Variants in TASP1 observed in about 807,000 individuals in gnomAD.
The protein encoded by TASP1 is taspase 1, also known as threonine aspartase 1.
Under a neutral mutation model 56.6 loss-of-function variants are expected in TASP1, and 16 were observed. That is an observed-to-expected ratio of 0.28 (90% confidence interval 0.19 to 0.43). The LOEUF is 0.43. Ranked by LOEUF, TASP1 falls within the 20% of genes least tolerant of loss-of-function variation. TASP1 has a pLI of 1.00. For synonymous variants in TASP1, 179 were observed against 184.2 expected (o/e 0.97, Z 0.23); for missense variants, 393 against 511.6 (o/e 0.77, Z 2.24).
At chr20:13,618,982 C>A (rs112886748) in intron 4 of TASP1, among the ~76,000 whole-genome samples, 79 of 152,068 alleles carry the variant, frequency 5.2e-4, no homozygotes, top group African/African-American at 1.8e-3. Flanking sequence ...TCAAGTAATT[C>A]TCCTGCCTCA....
chr20:13,232,570 A>G, the TASP1 span, among the ~76,000 whole-genome samples: 1 of 152,226 alleles, frequency 6.6e-6, no homozygotes, highest in East Asian at 1.9e-4. Context: ...TTTGGCAACT[A>G]TTAAAGATGC....
chr20:13,192,908 G>A, the TASP1 span, among the ~76,000 whole-genome samples: 1 of 152,096 alleles, frequency 6.6e-6, no homozygotes, highest in African/African-American at 2.4e-5. Context: ...AGTGATTATA[G>A]CATATGGTTA....
the TASP1 span, among the ~76,000 whole-genome samples, chr20:13,219,233 G>A: frequency 1.3e-5 from 2 of 152,168 alleles, no homozygotes; most frequent in African/African-American, 4.8e-5. Context: ...CACAACTGGA[G>A]GTTAGAACAA....
intron 9 of TASP1, among the ~76,000 whole-genome samples, chr20:13,532,426 T>C (rs1023551495): frequency 7.2e-5 from 11 of 152,172 alleles, no homozygotes; most frequent in African/African-American, 2.7e-4. Flanking sequence ...GATACTTACA[T>C]AGTTTCAAGT....
chr20:13,573,776 C>T lies in TASP1; in HGVS notation c.489-4190G>A, dbSNP rs186917447. On this transcript the variant is annotated intron_variant, in intron 6 of 13. Transcript: ENST00000337743. ...AATATAGAAAATAACAGTTTTCAGA[C>T]GTTAAGACATTAGGCATAGGACAGT... 2.1e-3 allele frequency among the ~76,000 whole-genome samples: 321 copies of T among 152,224 alleles called. 2 individuals are homozygous for T. The highest frequency in any genetic ancestry group is 3.5e-3 in the Non-Finnish European group (235 of 68,016).
chr20:13,145,659 CA>C, the TASP1 span, among the ~76,000 whole-genome samples: 1 of 151,998 alleles, frequency 6.6e-6, no homozygotes, highest in Non-Finnish European at 1.5e-5. Context: ...CATATGGAAC[CA>C]AAAAAGAGCA....
chr20:13,535,000 G>A (rs78054402), intron 8 of TASP1, among the ~76,000 whole-genome samples: 4,108 of 152,176 alleles, frequency 0.027, 136 homozygotes, highest in African/African-American at 0.08. Flanking sequence ...TAGTCATGGT[G>A]GTGTTCTTAT....
chr20:13,270,861 C>T, the TASP1 span: 1 of 920,160 alleles, frequency 1.1e-6, no homozygotes, highest in Non-Finnish European at 1.7e-6. Context: ...TTAATGATTC[C>T]TGCTTAAGAT....
intron 13 of TASP1, among the ~76,000 whole-genome samples, chr20:13,407,367 T>C (rs964443086): frequency 5.3e-4 from 81 of 152,212 alleles, no homozygotes; most frequent in Non-Finnish European, 1.1e-3. Context: ...CCTAGAATAA[T>C]GTTTTCAAGG....
At chr20:13,472,020 GC>G (rs2044520794) in intron 11 of TASP1, among the ~76,000 whole-genome samples, 1 of 151,948 alleles carries the variant, frequency 6.6e-6, no homozygotes, top group Admixed American at 6.6e-5. Flanking sequence ...CCAAAAAAGA[GC>G]CTGCATTGCC....
chr20:13,362,180 G>A, the TASP1 span, among the ~76,000 whole-genome samples: 15 of 149,940 alleles, frequency 1.0e-4, no homozygotes, highest in South Asian at 2.1e-4. Flanking sequence ...AATTTTCGCC[G>A]CCCCAACACT....
chr20:13,150,215 T>C, the TASP1 span, among the ~76,000 whole-genome samples: 2,812 of 152,320 alleles, frequency 0.018, 53 homozygotes, highest in South Asian at 0.03. Flanking sequence ...GTATGGGTGA[T>C]TTTTCTTAAG....
chr20:13,430,182 T>C (rs1377123926), intron 12 of TASP1, among the ~76,000 whole-genome samples: 1 of 152,156 alleles, frequency 6.6e-6, no homozygotes, highest in African/African-American at 2.4e-5. Flanking sequence ...CAACAGAGCA[T>C]CTTGATTTGT....
At chr20:13,446,626 T>C (rs1457341251) in intron 11 of TASP1, among the ~76,000 whole-genome samples, 2 of 152,130 alleles carry the variant, frequency 1.3e-5, no homozygotes. Flanking sequence ...TTCAATGCCC[T>C]ATATTCACTG....
chr20:13,509,386 T>C (rs2044246982), intron 10 of TASP1, among the ~76,000 whole-genome samples: 2 of 152,066 alleles, frequency 1.3e-5, no homozygotes, highest in Admixed American at 6.6e-5. Flanking sequence ...AACTTATGGT[T>C]GTAAGATGAA....
At chr20:13,503,824 T>C (rs2044034359) in intron 10 of TASP1, among the ~76,000 whole-genome samples, 1 of 151,300 alleles carries the variant, frequency 6.6e-6, no homozygotes, top group African/African-American at 2.4e-5. Flanking sequence ...AATGAAAAAA[T>C]TTAATAGAGA....
At chr20:13,587,022 T>C (rs1015631598) in intron 5 of TASP1, among the ~76,000 whole-genome samples, 46 of 150,210 alleles carry the variant, frequency 3.1e-4, no homozygotes, top group Non-Finnish European at 2.8e-4. Flanking sequence ...TTCTAAATCA[T>C]GTCTTAAATG....
chr20:13,576,253 ATAAGAGAAGAGAAAGGAAGG>A (rs1215493544), intron 6 of TASP1, among the ~76,000 whole-genome samples: 13 of 145,580 alleles, frequency 8.9e-5, no homozygotes, highest in African/African-American at 1.2e-4. Context: ...GGAAGGGAAG[ATAAGAGAAGAGAAAGGAAGG>A]GAAGAGAAGA....
chr20:13,599,343 A>T (rs576677234), intron 4 of TASP1, among the ~76,000 whole-genome samples: 1 of 152,368 alleles, frequency 6.6e-6, no homozygotes, highest in African/African-American at 2.4e-5. Context: ...AATTCTATGC[A>T]GCCATAAAAA....
Sources: allele counts gnomAD v4.1 joint callset (sites outside exome capture counted in the v4.1 genomes callset), GRCh38; gene constraint gnomAD v4.1.1; transcripts MANE v1.5; gene names NCBI Gene and HGNC (gene_info 2026-07-23, HGNC 2026-07-21).